Variants in SUPT3H observed in about 807,000 individuals in gnomAD.
SUPT3H encodes the protein transcription initiation protein SPT3 homolog.
In SUPT3H, 44 loss-of-function variants were observed where a neutral mutation model predicts 44.3. The ratio of observed to expected loss-of-function variants is 0.99; its 90% CI spans 0.78 to 1.28. The LOEUF is 1.28. Among genes scored for constraint, SUPT3H ranks in the 50% most tolerant of loss-of-function variants. SUPT3H has a pLI of 0.00. For synonymous variants in SUPT3H, 124 were observed against 125.6 expected (o/e 0.99, Z 0.09); for missense variants, 380 against 387.1 (o/e 0.98, Z 0.15).
chr6:45,123,162 T>G (rs1377070323), intron 2 of SUPT3H, among the ~76,000 whole-genome samples: 1 of 152,122 alleles, frequency 6.6e-6, no homozygotes, highest in Non-Finnish European at 1.5e-5. Flanking sequence ...TCAACCAAGA[T>G]GAAAGTCCTC....
At chr6:44,945,615 G>A (rs779974218) in intron 9 of SUPT3H, among the ~76,000 whole-genome samples, 3 of 152,300 alleles carry the variant, frequency 2.0e-5, no homozygotes, top group Non-Finnish European at 4.4e-5. Flanking sequence ...TTAAGTCAAA[G>A]CCTAATCCAG....
intron 10 of SUPT3H, among the ~76,000 whole-genome samples, chr6:44,876,641 C>A: frequency 7.2e-6 from 1 of 138,548 alleles, no homozygotes. Context: ...TACCCTAAAA[C>A]TTAAAGTATA....
chr6:45,108,325 G>C (rs1799557113), intron 2 of SUPT3H, among the ~76,000 whole-genome samples: 1 of 152,080 alleles, frequency 6.6e-6, no homozygotes, highest in African/African-American at 2.4e-5. Flanking sequence ...AAATACAAAA[G>C]AAATTAGCCA....
At chr6:44,884,781 C>A (rs1048590154) in intron 10 of SUPT3H, among the ~76,000 whole-genome samples, 1 of 152,172 alleles carries the variant, frequency 6.6e-6, no homozygotes. Flanking sequence ...GTGGGTGCAG[C>A]ACACTGTGGG....
chr6:45,157,941 A>G (rs1808124463), intron 2 of SUPT3H, among the ~76,000 whole-genome samples: 2 of 151,322 alleles, frequency 1.3e-5, no homozygotes, highest in Non-Finnish European at 2.9e-5. Flanking sequence ...AAAACTATAT[A>G]TCTAAACTTA....
intron 2 of SUPT3H, chr6:45,159,051 C>T (rs1047226884): frequency 6.6e-6 from 1 of 152,144 alleles, no homozygotes; most frequent in African/African-American, 2.4e-5. Context: ...TGTTAGAATC[C>T]AGTCCCTACA....
Position 44,939,463 on chromosome 6 carries a change from T to G in SUPT3H, c.802-6700A>C, listed in dbSNP as rs150270015. ...ATGATATGCTAGTAGATTTGGTTTG[T>G]TAGTATTTTGTTGAGGATTTTGGAG... On this transcript the variant is annotated intron_variant, in intron 9 of 10. Transcript: ENST00000371459. 5.9e-3 allele frequency among the ~76,000 whole-genome samples: 897 copies of G among 152,152 alleles called. 4 individuals carry two copies. Among genetic ancestry groups the G allele is most frequent in the African/African-American group, 0.019 (807 of 41,544 alleles).
chr6:45,209,552 C>T (rs1431749582), intron 2 of SUPT3H, among the ~76,000 whole-genome samples: 12 of 152,212 alleles, frequency 7.9e-5, no homozygotes, highest in Admixed American at 6.5e-4. Flanking sequence ...GACTAAAGTG[C>T]TGCAATCTCA....
At chr6:45,042,710 C>T (rs1583217426) in intron 3 of SUPT3H, among the ~76,000 whole-genome samples, 1 of 151,952 alleles carries the variant, frequency 6.6e-6, no homozygotes, top group East Asian at 1.9e-4. Flanking sequence ...GGATCTAGAA[C>T]TAGAAATACC....
At position 44,977,461 on chromosome 6, in the gene SUPT3H, T is replaced by A. The variant is rs140211714; in HGVS notation, c.505-15633A>T. Among the ~76,000 whole-genome samples the A allele has an allele frequency of 1.6e-3, 248 of 152,204 alleles. 2 individuals carry two copies. Among genetic ancestry groups the A allele is most frequent in the African/African-American group, 5.6e-3 (234 of 41,520 alleles). ...CTCTGGATTTTTTAAAAATACTTTT[T>A]AAAAAAAATTTTTGAACTAATTTTA... On this transcript the variant is annotated intron_variant, in intron 6 of 10. Coordinates refer to ENST00000371459, the MANE Select transcript of SUPT3H (RefSeq NM_003599.4).
intron 2 of SUPT3H, among the ~76,000 whole-genome samples, chr6:45,135,530 C>G (rs1015608136): frequency 6.6e-6 from 1 of 152,228 alleles, no homozygotes; most frequent in African/African-American, 2.4e-5. Flanking sequence ...ATACCTAGTT[C>G]ATCACTCTTA....
intron 5 of SUPT3H, among the ~76,000 whole-genome samples, chr6:45,013,772 T>G (rs977539640): frequency 2.0e-5 from 3 of 152,054 alleles, no homozygotes; most frequent in Admixed American, 1.3e-4. Context: ...CTCTTGCCCC[T>G]TCTGGGGTAA....
intron 11 of SUPT3H, among the ~76,000 whole-genome samples, chr6:44,820,348 T>C (rs1229787761): frequency 6.6e-6 from 1 of 152,202 alleles, no homozygotes; most frequent in Non-Finnish European, 1.5e-5. Context: ...ATTTAGGAAG[T>C]ACCAAAATGC....
At chr6:44,820,625 A>G (rs1767237468) in intron 11 of SUPT3H, among the ~76,000 whole-genome samples, 2 of 152,256 alleles carry the variant, frequency 1.3e-5, no homozygotes, top group African/African-American at 2.4e-5. Context: ...CACTGTTCTA[A>G]GTGCTGGGAT....
chr6:45,138,623 G>C (rs370842384), intron 2 of SUPT3H, among the ~76,000 whole-genome samples: 10 of 151,402 alleles, frequency 6.6e-5, no homozygotes, highest in Admixed American at 2.0e-4. Context: ...GTGTGTGTCT[G>C]TGTGTGTGTG....
intron 2 of SUPT3H, among the ~76,000 whole-genome samples, chr6:45,196,989 T>C (rs1816152774): frequency 2.0e-5 from 3 of 151,558 alleles, no homozygotes; most frequent in African/African-American, 7.3e-5. Context: ...CATCCTCAGC[T>C]TCTGAGGAGA....
intron 2 of SUPT3H, among the ~76,000 whole-genome samples, chr6:45,192,924 C>T (rs1409377124): frequency 3.3e-5 from 5 of 151,946 alleles, no homozygotes; most frequent in East Asian, 1.9e-4. Flanking sequence ...AAAATGTATC[C>T]GACTCTTTTG....
chr6:44,914,595 T>C (rs1767536054), intron 10 of SUPT3H, among the ~76,000 whole-genome samples: 1 of 152,194 alleles, frequency 6.6e-6, no homozygotes, highest in South Asian at 2.1e-4. Flanking sequence ...CAGTTACCCA[T>C]ATGCAAATTA....
At chr6:44,905,486 G>A (rs919808784) in intron 10 of SUPT3H, among the ~76,000 whole-genome samples, 29 of 150,702 alleles carry the variant, frequency 1.9e-4, no homozygotes, top group Admixed American at 3.3e-4. Flanking sequence ...TCTCACACCA[G>A]TTAGAATGGC....
Sources: allele counts gnomAD v4.1 joint callset (sites outside exome capture counted in the v4.1 genomes callset), GRCh38; gene constraint gnomAD v4.1.1; transcripts MANE v1.5; gene names NCBI Gene and HGNC (gene_info 2026-07-23, HGNC 2026-07-21).